The following GPC5 variants were observed in gnomAD, a reference collection of about 807,000 sequenced individuals.
The protein encoded by GPC5 is glypican-5.
GPC5 carries 47 observed loss-of-function variants against 53.9 expected under a neutral mutation model. That is an observed-to-expected ratio of 0.87 (90% CI 0.69 to 1.11). GPC5 has a LOEUF of 1.11. Among genes scored for constraint, GPC5 ranks in the 50% most tolerant of loss-of-function variants. The probability of loss-of-function intolerance (pLI) is 0.00; values close to 1 mark genes in which losing one functional copy is unlikely to be tolerated. For synonymous variants in GPC5, 286 were observed against 263.3 expected, an observed-to-expected ratio of 1.09 and a Z score of -0.84; for missense variants, 748 against 713.1, an observed-to-expected ratio of 1.05 and a Z score of -0.56.
chr13:91,840,594 C>T (rs1391420490), intron 5 of GPC5, among the ~76,000 whole-genome samples: 1 of 151,492 alleles, frequency 6.6e-6, no homozygotes, highest in Non-Finnish European at 1.5e-5. Flanking sequence ...CTGTTTGTTC[C>T]CCTCCCCTGC....
rs34087014 is a variant in GPC5, at chr13:92,453,609, T to C, written c.1561+308620T>C. ...TAAAGGCATTGCAATGTTTTGACAT[T>C]CCTAATATATTCTGAAAGAAATTGC... On this transcript the variant is annotated intron_variant, in intron 7 of 7. Coordinates refer to ENST00000377067, the MANE Select transcript of GPC5 (RefSeq NM_004466.6). Among the ~76,000 whole-genome samples the C allele has an allele frequency of 5.8e-3, 887 of 152,286 alleles. 11 individuals carry two copies. Among genetic ancestry groups the C allele is most frequent in the Middle Eastern group, 0.02 (6 of 294 alleles).
chr13:92,220,520 T>G (rs527782440), intron 7 of GPC5, among the ~76,000 whole-genome samples: 19 of 152,280 alleles, frequency 1.2e-4, no homozygotes, highest in South Asian at 4.1e-4. Flanking sequence ...AAGATACAGA[T>G]AGCAATTTTC....
chr13:91,578,673 CAT>C (rs3055891), intron 2 of GPC5, among the ~76,000 whole-genome samples: 104,457 of 149,382 alleles, frequency 0.7, 36,578 homozygotes, highest in South Asian at 0.84. Context: ...ATTTTTGATT[CAT>C]ATATATATAT....
chr13:91,962,466 G>A (rs2040134921), intron 6 of GPC5, among the ~76,000 whole-genome samples: 1 of 152,002 alleles, frequency 6.6e-6, no homozygotes, highest in Non-Finnish European at 1.5e-5. Flanking sequence ...TGGAGTAGAT[G>A]GCCAATAAAA....
At chr13:91,915,912 TAA>T (rs1469048933) in intron 6 of GPC5, among the ~76,000 whole-genome samples, 2 of 152,160 alleles carry the variant, frequency 1.3e-5, no homozygotes, top group East Asian at 3.8e-4. Context: ...TTACTAGACA[TAA>T]GTGTTCATCC....
intron 7 of GPC5, among the ~76,000 whole-genome samples, chr13:92,738,496 G>A (rs1888998902): frequency 6.6e-6 from 1 of 152,016 alleles, no homozygotes; most frequent in African/African-American, 2.4e-5. Context: ...CACATATGCT[G>A]GGATGGTTCT....
At chr13:91,430,292 C>A (rs1261592400) in intron 1 of GPC5, among the ~76,000 whole-genome samples, 1 of 152,176 alleles carries the variant, frequency 6.6e-6, no homozygotes, top group Non-Finnish European at 1.5e-5. Flanking sequence ...ATGGGCATAC[C>A]TTGGGTCCAG....
At chr13:92,717,217 A>AGAT (rs1413240656) in intron 7 of GPC5, among the ~76,000 whole-genome samples, 3 of 152,136 alleles carry the variant, frequency 2.0e-5, no homozygotes, top group African/African-American at 4.8e-5. Flanking sequence ...ACATTCAAAG[A>AGAT]GATGGTATCA....
chr13:92,782,964 A>G (rs1442732008), intron 7 of GPC5, among the ~76,000 whole-genome samples: 1 of 152,196 alleles, frequency 6.6e-6, no homozygotes, highest in African/African-American at 2.4e-5. Flanking sequence ...GCTTAGAGGT[A>G]ACCCAGTACT....
chr13:91,504,084 T>G (rs1884808506), intron 2 of GPC5, among the ~76,000 whole-genome samples: 3 of 151,964 alleles, frequency 2.0e-5, no homozygotes, highest in Non-Finnish European at 2.9e-5. Flanking sequence ...ATTGTTCTTC[T>G]CAATATGTTC....
intron 6 of GPC5, among the ~76,000 whole-genome samples, chr13:92,066,159 A>T (rs2041165715): frequency 6.6e-6 from 1 of 152,162 alleles, no homozygotes; most frequent in African/African-American, 2.4e-5. Context: ...TAGATCTATT[A>T]GCGACAGAAT....
intron 7 of GPC5, among the ~76,000 whole-genome samples, chr13:92,736,790 A>C (rs947711178): frequency 1.3e-5 from 2 of 150,458 alleles, no homozygotes; most frequent in Non-Finnish European, 2.9e-5. Context: ...CTATGTTCAG[A>C]ACTATAGCTG....
chr13:92,154,102 G>A (rs544263745), intron 7 of GPC5, among the ~76,000 whole-genome samples: 1 of 152,170 alleles, frequency 6.6e-6, no homozygotes, highest in Non-Finnish European at 1.5e-5. Flanking sequence ...TTACAAACTG[G>A]TGGGAGACAA....
intron 7 of GPC5, among the ~76,000 whole-genome samples, chr13:92,384,126 G>GGT (rs2043772603): frequency 6.7e-6 from 1 of 149,052 alleles, no homozygotes; most frequent in South Asian, 2.1e-4. Context: ...GTTTTTATAG[G>GGT]TTTTTTTTTT....
intron 7 of GPC5, among the ~76,000 whole-genome samples, chr13:92,832,628 T>G (rs1878085010): frequency 6.6e-6 from 1 of 152,170 alleles, no homozygotes; most frequent in Non-Finnish European, 1.5e-5. Context: ...CTCATTCCTC[T>G]TGGTACCCCT....
chr13:91,904,436 A>G (rs2039532386), intron 5 of GPC5, among the ~76,000 whole-genome samples: 1 of 152,048 alleles, frequency 6.6e-6, no homozygotes, highest in Non-Finnish European at 1.5e-5. Context: ...AACATTTTGC[A>G]CCAAGCTAAT....
chr13:92,200,271 C>T (rs191703234), intron 7 of GPC5, among the ~76,000 whole-genome samples: 385 of 152,240 alleles, frequency 2.5e-3, no homozygotes, highest in Middle Eastern at 6.8e-3. Flanking sequence ...GTTTTATTCA[C>T]ATCTATGAAC....
chr13:92,799,359 T>C (rs1193629858), intron 7 of GPC5, among the ~76,000 whole-genome samples: 1 of 151,854 alleles, frequency 6.6e-6, no homozygotes, highest in Non-Finnish European at 1.5e-5. Flanking sequence ...TTATTCACTC[T>C]AAATTATTTA....
intron 2 of GPC5, among the ~76,000 whole-genome samples, chr13:91,594,281 C>A (rs1013525712): frequency 6.6e-6 from 1 of 152,136 alleles, no homozygotes; most frequent in Non-Finnish European, 1.5e-5. Context: ...AAAAAAGAGG[C>A]CTTCGAAGGC....
Sources: gnomAD v4.1 joint callset for allele counts (sites outside exome capture counted in the v4.1 genomes callset) on GRCh38, gnomAD v4.1.1 for gene constraint, MANE v1.5 for transcripts, NCBI Gene and HGNC (gene_info 2026-07-23, HGNC 2026-07-21) for gene names.